TMPRSS2: variants seen among roughly 807,000 people sequenced by gnomAD.
TMPRSS2 encodes transmembrane serine protease 2.
TMPRSS2 carries 59 observed loss-of-function variants against 67.4 expected under a neutral mutation model. That is an observed-to-expected ratio of 0.88 (90% confidence interval 0.71 to 1.09). The LOEUF is 1.09. TMPRSS2 is among the 50% of genes least tolerant of loss of function. The pLI is 0.00. For synonymous variants in TMPRSS2, 257 were observed against 257.0 expected, an observed-to-expected ratio of 1.00 and a Z score of 0.00; for missense variants, 668 against 642.7, an observed-to-expected ratio of 1.04 and a Z score of -0.43.
chr21:41,505,232 G>GA (rs1306062748), intron 1 of TMPRSS2, among the ~76,000 whole-genome samples: 2 of 152,108 alleles, frequency 1.3e-5, no homozygotes, highest in African/African-American at 2.4e-5. Flanking sequence ...AGAGGGCTTA[G>GA]AAAAATAAAT....
At chr21:41,486,227 C>G (rs1255578990) in intron 5 of TMPRSS2, among the ~76,000 whole-genome samples, 1 of 152,152 alleles carries the variant, frequency 6.6e-6, no homozygotes, top group African/African-American at 2.4e-5. Context: ...TTAGCTGGAA[C>G]TAAGATATGA....
chr21:41,499,189 T>A (rs549289994), intron 1 of TMPRSS2, among the ~76,000 whole-genome samples: 1 of 152,212 alleles, frequency 6.6e-6, no homozygotes, highest in African/African-American at 2.4e-5. Flanking sequence ...GCCAACCATT[T>A]TGACCACTGC....
rs562078893 is a variant in TMPRSS2 at position 41,480,559 on chromosome 21, A to T, written c.489T>A (p.Ser163=). ...GPNFILQVYS[S]QRKSWHPVCQ... ...ACACAGGGTGCCAGGACTTCCTCTGAGATGAGTACACCTGAAGGATGAAGT... is the reference window on the plus strand; with the variant it reads ...ACACAGGGTGCCAGGACTTCCTCTGTGATGAGTACACCTGAAGGATGAAGT... The change falls in exon 6 of 14, where the codon TCT becomes TCA. Residue 163 remains serine (S), a synonymous_variant. Coordinates refer to ENST00000332149, the MANE Select transcript of TMPRSS2 (RefSeq NM_005656.4). 6 of 1,613,836 alleles carry T rather than the reference A, an allele frequency of 3.7e-6. No individual in the cohort carries two copies. The African/African-American group carries it at 6.7e-5, about 18-fold the overall frequency.
At chr21:41,485,469 T>A (rs959742136) in intron 5 of TMPRSS2, among the ~76,000 whole-genome samples, 8 of 151,790 alleles carry the variant, frequency 5.3e-5, no homozygotes, top group Non-Finnish European at 7.4e-5. Context: ...ACAACATTGA[T>A]GAAACCCATT....
In TMPRSS2 at chr21:41,478,376, C is replaced by T. The variant is rs2091232236; in HGVS notation, c.683+796G>A. Among the ~76,000 whole-genome samples the T allele has an allele frequency of 6.6e-6, 1 of 152,186 alleles. No individual in the cohort carries two copies. The highest frequency in any genetic ancestry group is 6.5e-5 in the Admixed American group (1 of 15,288). ...GCACCTGGCAGGCAGGGAGGTGATG[C>T]CTAGACACCAGGCATAAGCCCTGGG... On this transcript the variant is annotated intron_variant, in intron 7 of 13. Transcript: ENST00000332149. This position sits in a 1 kb window ranked among gnomAD's most constrained non-coding sequence, Gnocchi z 4.0.
At chr21:41,490,624 G>C (rs2091328563) in intron 3 of TMPRSS2, among the ~76,000 whole-genome samples, 1 of 152,244 alleles carries the variant, frequency 6.6e-6, no homozygotes, top group South Asian at 2.1e-4. Context: ...AAAGGTCACT[G>C]ATTTTTCTCT....
chr21:41,480,242 G>T (rs1196251667), intron 6 of TMPRSS2, among the ~76,000 whole-genome samples: 1 of 152,232 alleles, frequency 6.6e-6, no homozygotes, highest in Non-Finnish European at 1.5e-5. Flanking sequence ...GCAACCAGGA[G>T]TCTATAGAGG....
At chr21:41,489,449 G>A (rs2146469161) in intron 4 of TMPRSS2, 58 bp downstream of exon 4, 1 of 1,475,188 alleles carries the variant, frequency 6.8e-7, no homozygotes, top group African/African-American at 1.4e-5. Flanking sequence ...GCAGGGTCTG[G>A]CTCAGAGCAC....
rs565142477 is a variant in TMPRSS2, at chr21:41,494,786, C to T, written c.16-208G>A. 18 of 665,820 alleles carry T rather than the reference C, an allele frequency of 2.7e-5. No individual in the cohort carries two copies. In the East Asian group the frequency reaches 5.0e-4, roughly 19 times the overall value. 41.2% of individuals were successfully genotyped at this position (665,820 alleles called of 1,614,324 possible). A position where few individuals can be genotyped will look rare whatever the true frequency, so the allele number is the denominator to read the frequency against. ...GTGACAAGATATTAAAAAGGTACTA[C>T]AAGGCTGGGTGCGGTGGCTCATGCC... On this transcript the variant is annotated intron_variant, in intron 2 of 13. Coordinates refer to ENST00000332149, the MANE Select transcript of TMPRSS2 (RefSeq NM_005656.4).
chr21:41,479,197 C>A lies in TMPRSS2; in HGVS notation c.658G>T (p.Asp220Tyr). Residue 220 changes from aspartate to tyrosine, a missense_variant, in exon 7 of 14, where the codon GAT becomes TAT. Physicochemically the swap from Asp to Tyr is radical, Grantham distance 160 (BLOSUM62 -3). Coordinates refer to ENST00000332149, the MANE Select transcript of TMPRSS2 (RefSeq NM_005656.4). ...MKLNTSAGNV[D>Y]IYKKLYHSDA... ...CTGTGGTACAGTTTTTTATAGATAT[C>A]GACATTGCCGGCACTTGTGTTCAGT... 6.2e-7 allele frequency: 1 copy of A among 1,613,898 alleles called. No individual in the cohort carries two copies. The highest frequency in any genetic ancestry group is 8.5e-7 in the Non-Finnish European group (1 of 1,179,928).
At position 41,464,766 on chromosome 21, in the gene TMPRSS2, G is replaced by C. The variant is rs1011374945; in HGVS notation, c.*1376C>G. ...AGTGCCAACTGTTTCCAAGGTCCCT[G>C]GGAATGCTGCTCTCTACAGAGGCAT... On this transcript the variant is annotated 3_prime_UTR_variant, in exon 14 of 14. Coordinates refer to ENST00000332149, the MANE Select transcript of TMPRSS2 (RefSeq NM_005656.4). 2 of 233,202 alleles carry C rather than the reference G, an allele frequency of 8.6e-6. No individual in the cohort carries two copies. The highest frequency in any genetic ancestry group is 1.7e-5 in the Non-Finnish European group (2 of 118,068). 14.4% of individuals were successfully genotyped at this position (233,202 alleles called of 1,614,324 possible).
At chr21:41,467,145 G>T (rs455281) in intron 13 of TMPRSS2, among the ~76,000 whole-genome samples, 133,957 of 152,158 alleles carry the variant, frequency 0.88, 60,261 homozygotes, top group Non-Finnish European at 0.98. Context: ...TCCCAGCACT[G>T]TGGGAGGCTG....
rs927149407 is a variant in TMPRSS2 at position 41,478,615 on chromosome 21, A to C, written c.683+557T>G. Among the ~76,000 whole-genome samples the C allele has an allele frequency of 2.0e-5, 3 of 152,168 alleles. No individual in the cohort carries two copies. Among genetic ancestry groups the C allele is most frequent in the Non-Finnish European group, 4.4e-5 (3 of 68,030 alleles). On this transcript the variant is annotated intron_variant, in intron 7 of 13. Transcript: ENST00000332149. This position sits in a 1 kb window ranked among gnomAD's most constrained non-coding sequence, Gnocchi z 4.0. ...GCTTGTACCCACTTCTACCCCCTGG[A>C]AACACCACAACTCATTCCCAGGCCG...
chr21:41,500,965 C>T (rs1005634720), intron 1 of TMPRSS2, among the ~76,000 whole-genome samples: 4 of 152,182 alleles, frequency 2.6e-5, no homozygotes, highest in African/African-American at 9.7e-5. Context: ...TCTGGTTTCT[C>T]GGCTGTCCTA....
intron 2 of TMPRSS2, among the ~76,000 whole-genome samples, chr21:41,496,824 C>T (rs2091386042): frequency 7.1e-6 from 1 of 140,126 alleles, no homozygotes; most frequent in South Asian, 2.2e-4. Flanking sequence ...TCTTGTCTCT[C>T]TCTCCTTTTT....
rs1247800805 is a variant in TMPRSS2, at chr21:41,465,698, G to A, written c.*444C>T. The A allele has an allele frequency of 3.9e-6, 1 of 254,962 alleles. No individual in the cohort carries two copies. Among genetic ancestry groups the A allele is most frequent in the Admixed American group, 5.3e-5 (1 of 18,944 alleles). 15.8% of individuals were successfully genotyped at this position (254,962 alleles called of 1,614,324 possible). A position where few individuals can be genotyped will look rare whatever the true frequency, so the allele number is the denominator to read the frequency against. ...TCCCCTTGTGGAGAGGTAGGCTGGG[G>A]ACACTACCAAGTGGCCCCAGAGGGC... On this transcript the variant is annotated 3_prime_UTR_variant, in exon 14 of 14. Coordinates refer to ENST00000332149, the MANE Select transcript of TMPRSS2 (RefSeq NM_005656.4).
chr21:41,477,616 C>G (rs2091224675), intron 7 of TMPRSS2, among the ~76,000 whole-genome samples: 1 of 152,154 alleles, frequency 6.6e-6, no homozygotes, highest in African/African-American at 2.4e-5. Context: ...CACCTTCTTA[C>G]TAAGGCACAC....
chr21:41,500,062 C>G (rs1157004399), intron 1 of TMPRSS2, among the ~76,000 whole-genome samples: 1 of 152,184 alleles, frequency 6.6e-6, no homozygotes, highest in Non-Finnish European at 1.5e-5. Context: ...GGTGCTCAAA[C>G]AGCAGCAGGC....
At chr21:41,470,198 G>A (rs1476684793) in intron 11 of TMPRSS2, among the ~76,000 whole-genome samples, 1 of 152,150 alleles carries the variant, frequency 6.6e-6, no homozygotes, top group Non-Finnish European at 1.5e-5. Flanking sequence ...GATTGCAAAG[G>A]AAGTGGGTGG....
Sources: gnomAD v4.1 joint callset for allele counts (sites outside exome capture counted in the v4.1 genomes callset) on GRCh38, gnomAD v4.1.1 for gene constraint, Gnocchi (gnomAD v3.1) non-coding constraint, MANE v1.5 for transcripts, NCBI Gene and HGNC (gene_info 2026-07-23, HGNC 2026-07-21) for gene names.